The following RAB8B variants were observed in gnomAD, a reference collection of about 807,000 sequenced individuals.
The protein encoded by RAB8B is ras-related protein Rab-8B.
Under a neutral mutation model 32.0 loss-of-function variants are expected in RAB8B, and 11 were observed. That is an observed-to-expected ratio of 0.34 (90% CI 0.22 to 0.57). The LOEUF (loss-of-function observed/expected upper bound fraction) is 0.57, where lower values mean the gene tolerates loss of function less well. Among genes scored for constraint, RAB8B ranks in the 20% least tolerant of loss-of-function variants. The pLI is 0.86. For missense variants in RAB8B, 190 were observed against 258.5 expected (o/e 0.73, Z 1.82); for synonymous variants, 103 against 89.6 (o/e 1.15, Z -0.85).
intron 1 of RAB8B, among the ~76,000 whole-genome samples, chr15:63,198,017 A>G (rs980399080): frequency 5.3e-5 from 8 of 152,212 alleles, no homozygotes; most frequent in Non-Finnish European, 1.5e-5. Flanking sequence ...GTATGTCTGG[A>G]GAGGTGCCCT....
chr15:63,246,116 G>A (rs1455353728), intron 2 of RAB8B, among the ~76,000 whole-genome samples: 1 of 151,956 alleles, frequency 6.6e-6, no homozygotes, highest in Admixed American at 6.6e-5. Flanking sequence ...CAGGTAATCC[G>A]CCCGCCTCAG....
In RAB8B at chr15:63,259,971, A is replaced by G. The variant is rs2038189949; in HGVS notation, c.480+279A>G. 6.6e-6 allele frequency among the ~76,000 whole-genome samples: 1 copy of G among 152,050 alleles called. No individual in the cohort carries two copies. The highest frequency in any genetic ancestry group is 1.5e-5 in the Non-Finnish European group (1 of 68,028). Reference sequence around the variant, plus strand: ...TGCCTCAGCCTCCCGAGTAGCTGGTACTATAGGTGTGCATCACCACGCCCA... The same window carrying G: ...TGCCTCAGCCTCCCGAGTAGCTGGTGCTATAGGTGTGCATCACCACGCCCA... On this transcript the variant is annotated intron_variant, in intron 6 of 7. Coordinates refer to ENST00000321437, the MANE Select transcript of RAB8B (RefSeq NM_016530.3). This position sits in a 1 kb window ranked among gnomAD's most constrained non-coding sequence, Gnocchi z 4.4.
intron 1 of RAB8B, among the ~76,000 whole-genome samples, chr15:63,210,912 G>A (rs150471346): frequency 2.0e-5 from 3 of 152,228 alleles, no homozygotes; most frequent in Non-Finnish European, 4.4e-5. Context: ...CACACCACAG[G>A]CATTTTCTAT....
At chr15:63,228,180 C>A (rs1263402818) in intron 1 of RAB8B, among the ~76,000 whole-genome samples, 2 of 152,092 alleles carry the variant, frequency 1.3e-5, no homozygotes, top group African/African-American at 4.8e-5. Context: ...CCACACCCAG[C>A]TAATTGTTTT....
intron 1 of RAB8B, among the ~76,000 whole-genome samples, chr15:63,239,410 G>GTT (rs71131153): frequency 7.9e-4 from 95 of 120,854 alleles, no homozygotes; most frequent in Non-Finnish European, 1.1e-3. Flanking sequence ...AATTTCCGAA[G>GTT]TTTTTTTTTT....
intron 6 of RAB8B, among the ~76,000 whole-genome samples, chr15:63,260,732 T>TA (rs1252802662): frequency 6.6e-6 from 1 of 152,164 alleles, no homozygotes; most frequent in Non-Finnish European, 1.5e-5. Context: ...TTATTTTTTT[T>TA]AAAAAACATT....
intron 1 of RAB8B, chr15:63,223,846 A>G (rs2037867645): frequency 2.3e-6 from 1 of 430,818 alleles, no homozygotes; most frequent in Non-Finnish European, 4.6e-6. Flanking sequence ...TTTCTTCTAT[A>G]GTGCGGCCTC....
chr15:63,258,065 CAAA>C (rs569769772), intron 5 of RAB8B, among the ~76,000 whole-genome samples: 1 of 91,742 alleles, frequency 1.1e-5, no homozygotes. Flanking sequence ...GACTGTGTCT[CAAA>C]AAAAAAAAAA....
chr15:63,256,494 T>C lies in RAB8B; in HGVS notation c.325-11T>C. The C allele has an allele frequency of 1.3e-6, 2 of 1,581,134 alleles. No homozygotes were observed. Among genetic ancestry groups the C allele is most frequent in the Non-Finnish European group, 1.7e-6 (2 of 1,167,400 alleles). On this transcript the variant is annotated splice_polypyrimidine_tract_variant and intron_variant, in intron 4 of 7. Coordinates refer to ENST00000321437, the MANE Select transcript of RAB8B (RefSeq NM_016530.3). ...AGGCTGTTTTTATAGCATGCTATTTTCTCCCTGCAGCATGCCTCTTCCGAT... is the reference window on the plus strand; with the variant it reads ...AGGCTGTTTTTATAGCATGCTATTTCCTCCCTGCAGCATGCCTCTTCCGAT...
chr15:63,262,812 A>G, intron 7 of RAB8B, 70 bp downstream of exon 7: 2 of 685,002 alleles, frequency 2.9e-6, no homozygotes. Context: ...GGATAGGTCT[A>G]ATTATAAGAT....
intron 1 of RAB8B, among the ~76,000 whole-genome samples, chr15:63,243,227 T>C (rs1567018464): frequency 6.6e-6 from 1 of 152,228 alleles, no homozygotes; most frequent in Non-Finnish European, 1.5e-5. Context: ...TAAATATAGA[T>C]GAAGCTTCTC....
chr15:63,197,923 T>C (rs1291729007), intron 1 of RAB8B, among the ~76,000 whole-genome samples: 2 of 152,056 alleles, frequency 1.3e-5, no homozygotes, highest in Admixed American at 1.3e-4. Context: ...TTTTCTAAAA[T>C]GAATAGGTAG....
intron 1 of RAB8B, among the ~76,000 whole-genome samples, chr15:63,212,098 G>A (rs1012097663): frequency 4.6e-5 from 7 of 152,226 alleles, no homozygotes; most frequent in Middle Eastern, 3.4e-3. Context: ...ATCCCAAAGC[G>A]CTGGGATTAC....
intron 1 of RAB8B, among the ~76,000 whole-genome samples, chr15:63,241,843 C>T (rs2038034629): frequency 6.6e-6 from 1 of 151,856 alleles, no homozygotes; most frequent in Non-Finnish European, 1.5e-5. Context: ...ACGTAAATCA[C>T]AATAAAAATC....
intron 1 of RAB8B, among the ~76,000 whole-genome samples, chr15:63,241,358 A>G (rs2038030559): frequency 1.3e-5 from 2 of 152,274 alleles, no homozygotes; most frequent in South Asian, 4.1e-4. Context: ...AAAAAAAATA[A>G]GTGAATGAAT....
intron 1 of RAB8B, among the ~76,000 whole-genome samples, chr15:63,212,080 GC>G (rs1162314724): frequency 6.6e-6 from 1 of 152,210 alleles, no homozygotes; most frequent in Non-Finnish European, 1.5e-5. Context: ...CAGTCCTCCT[GC>G]CTCAGCATCC....
chr15:63,203,792 G>A (rs1384770748), intron 1 of RAB8B, among the ~76,000 whole-genome samples: 2 of 152,264 alleles, frequency 1.3e-5, no homozygotes, highest in Non-Finnish European at 2.9e-5. Context: ...CTAGTAAACG[G>A]CAGTCTAGTT....
intron 4 of RAB8B, among the ~76,000 whole-genome samples, chr15:63,256,240 T>C (rs2038157802): frequency 6.6e-6 from 1 of 152,212 alleles, no homozygotes; most frequent in Non-Finnish European, 1.5e-5. Context: ...TTGGAAATTT[T>C]GTCATTAGAT....
At position 63,189,765 on chromosome 15, in the gene RAB8B, G is replaced by C. The variant is rs2037537739; in HGVS notation, c.124+17G>C. ...CCACCATCGGTGAGGGAGGGGCCGC[G>C]GCCCGGGACCGGGTAGAGAATTGGG... is the stretch of plus-strand genomic sequence containing the variant. On this transcript the variant is annotated intron_variant, in intron 1 of 7. Transcript: ENST00000321437. 1.4e-6 allele frequency: 2 copies of C among 1,407,404 alleles called. No individual in the cohort carries two copies. Among genetic ancestry groups the C allele is most frequent in the South Asian group, 1.1e-5 (1 of 88,206 alleles). The allele number at this position is 1,407,404 out of a possible 1,614,324, so 87.2% of individuals were successfully genotyped here. A position where few individuals can be genotyped will look rare whatever the true frequency, so the allele number is the denominator to read the frequency against.
Sources: gnomAD v4.1 joint callset for allele counts (sites outside exome capture counted in the v4.1 genomes callset) on GRCh38, gnomAD v4.1.1 for gene constraint, Gnocchi (gnomAD v3.1) non-coding constraint, MANE v1.5 for transcripts, NCBI Gene and HGNC (gene_info 2026-07-23, HGNC 2026-07-21) for gene names.